GPR173: variants seen among roughly 807,000 people sequenced by gnomAD.
GPR173 encodes G protein-coupled receptor 173.
In GPR173, 2 loss-of-function variants were observed where a neutral mutation model predicts 13.9. The ratio of observed to expected loss-of-function variants is 0.14; its 90% confidence interval spans 0.06 to 0.45. The LOEUF (loss-of-function observed/expected upper bound fraction) is 0.45, where lower values mean the gene tolerates loss of function less well. Among genes scored for constraint, GPR173 ranks in the 20% least tolerant of loss-of-function variants. The pLI is 0.98. For synonymous variants in GPR173, 131 were observed against 141.0 expected (o/e 0.93, Z 0.50); for missense variants, 202 against 340.5 (o/e 0.59, Z 3.20).
intron 1 of GPR173, among the ~76,000 whole-genome samples, chrX:53,055,461 G>A (rs181149201): frequency 1.8e-5 from 2 of 110,525 alleles, no homozygotes; most frequent in Admixed American, 1.9e-4. Context: ...GATGGCGTGT[G>A]GTGAGAGCTT....
Position 53,050,690 on chromosome X carries a change from T to C in GPR173, c.-98+1206T>C, listed in dbSNP as rs782121464. 5.4e-5 allele frequency among the ~76,000 whole-genome samples: 6 copies of C among 112,090 alleles called. No homozygotes were observed. In the South Asian group the frequency reaches 2.2e-3, roughly 42 times the overall value. ...CAATATTGTTGCTGATTATTCATGA[T>C]TAATAGTGTTATCGATTACTTGGAG... On this transcript the variant is annotated intron_variant, in intron 1 of 1. Coordinates refer to ENST00000332582, the MANE Select transcript of GPR173 (RefSeq NM_018969.6).
At chrX:53,058,234 C>T in intron 1 of GPR173, among the ~76,000 whole-genome samples, 1 of 112,157 alleles carries the variant, frequency 8.9e-6, no homozygotes, top group South Asian at 3.7e-4. Flanking sequence ...GTGTGACCTG[C>T]ACTGCTGGTG....
rs1243941991 is a variant in GPR173 at position 53,080,443 on chromosome X, A to G, written c.*2700A>G. The G allele has an allele frequency of 8.4e-6, 1 of 119,367 alleles. No individual in the cohort carries two copies. The highest frequency in any genetic ancestry group is 1.9e-5 in the Non-Finnish European group (1 of 52,262). 9.8% of individuals were successfully genotyped at this position (119,367 alleles called of 1,213,427 possible). ...TTTCTTCAGTTTTGTCCCCTTCATC[A>G]CCCATTCCTGATCCCATCCTCCCCG... On this transcript the variant is annotated 3_prime_UTR_variant, in exon 2 of 2. Transcript: ENST00000332582.
At chrX:53,074,321 T>C (rs868963310) in intron 1 of GPR173, among the ~76,000 whole-genome samples, 73 of 72,629 alleles carry the variant, frequency 1.0e-3, no homozygotes, top group African/African-American at 2.4e-3. Context: ...CATATATATT[T>C]ATATATAAAT....
At chrX:53,053,745 A>G (rs1323584557) in intron 1 of GPR173, among the ~76,000 whole-genome samples, 1 of 112,664 alleles carries the variant, frequency 8.9e-6, no homozygotes, top group African/African-American at 3.2e-5. Flanking sequence ...CTGCGAGACT[A>G]TGTCTGTCTG....
intron 1 of GPR173, among the ~76,000 whole-genome samples, chrX:53,070,402 A>G (rs1186999133): frequency 3.6e-5 from 4 of 111,685 alleles, no homozygotes; most frequent in African/African-American, 1.3e-4. Flanking sequence ...TCTCATATCC[A>G]GTGCCCTCTT....
At chrX:53,059,342 G>T (rs1256402028) in intron 1 of GPR173, among the ~76,000 whole-genome samples, 3 of 108,127 alleles carry the variant, frequency 2.8e-5, no homozygotes, top group Non-Finnish European at 5.8e-5. Flanking sequence ...GCCCAGGCTG[G>T]AGTGCAGTGG....
intron 1 of GPR173, among the ~76,000 whole-genome samples, chrX:53,069,538 CTGGTCTCT>C (rs1932231250): frequency 8.9e-6 from 1 of 112,161 alleles, no homozygotes; most frequent in East Asian, 2.8e-4. Flanking sequence ...CAAGAGTTAG[CTGGTCTCT>C]GCACATGAGC....
At chrX:53,065,698 T>G (rs1473100505) in intron 1 of GPR173, 1 of 112,430 alleles carries the variant, frequency 8.9e-6, no homozygotes, top group African/African-American at 3.2e-5. Flanking sequence ...TCGACAAATA[T>G]TCAGAATTTG....
chrX:53,068,315 AAATAATACTGTTCTCTTTAG>A (rs1932213412), intron 1 of GPR173, among the ~76,000 whole-genome samples: 1 of 111,461 alleles, frequency 9.0e-6, no homozygotes, highest in South Asian at 3.8e-4. Flanking sequence ...CAGAAAAATA[AAATAATACTGTTCTCTTTAG>A]AAACACCTAA....
chrX:53,070,081 TTGAG>T (rs1285384848), intron 1 of GPR173, among the ~76,000 whole-genome samples: 1 of 111,399 alleles, frequency 9.0e-6, no homozygotes, highest in Non-Finnish European at 1.9e-5. Context: ...GTAAGTAACT[TTGAG>T]TGTTAATATC....
At chrX:53,074,910 G>A (rs1556805628) in intron 1 of GPR173, among the ~76,000 whole-genome samples, 1 of 103,456 alleles carries the variant, frequency 9.7e-6, no homozygotes, top group Non-Finnish European at 2.0e-5. Flanking sequence ...GGGCCTCTGA[G>A]TAGTCTCCCT....
intron 1 of GPR173, among the ~76,000 whole-genome samples, chrX:53,057,938 G>A (rs1041112773): frequency 3.6e-5 from 4 of 112,233 alleles, no homozygotes; most frequent in Non-Finnish European, 5.6e-5. Flanking sequence ...ATCTGCAAGT[G>A]TGAATGGGGT....
At chrX:53,075,469 C>T (rs1274903971) in intron 1 of GPR173, among the ~76,000 whole-genome samples, 2 of 104,312 alleles carry the variant, frequency 1.9e-5, no homozygotes, top group Non-Finnish European at 3.9e-5. Flanking sequence ...CCACAAGGGC[C>T]GGGATCTTTA....
At chrX:53,072,479 C>G (rs1335064413) in intron 1 of GPR173, among the ~76,000 whole-genome samples, 2 of 107,046 alleles carry the variant, frequency 1.9e-5, no homozygotes, top group African/African-American at 6.9e-5. Context: ...TCTTTTTTCT[C>G]ACTCTCATTT....
At chrX:53,052,219 T>C (rs1397654920) in intron 1 of GPR173, among the ~76,000 whole-genome samples, 1 of 111,399 alleles carries the variant, frequency 9.0e-6, no homozygotes, top group Admixed American at 9.5e-5. Flanking sequence ...CATTTGATTA[T>C]GTATGTGAGT....
intron 1 of GPR173, among the ~76,000 whole-genome samples, chrX:53,052,274 A>G (rs1556802780): frequency 1.8e-5 from 2 of 111,337 alleles, no homozygotes; most frequent in African/African-American, 6.5e-5. Flanking sequence ...ACAAAAACAC[A>G]CACACACGCA....
In GPR173 at chrX:53,077,860, C is replaced by A; in HGVS notation, c.*117C>A. 1 of 564,120 alleles carries A rather than the reference C, an allele frequency of 1.8e-6. No individual in the cohort carries two copies. Among genetic ancestry groups the A allele is most frequent in the Non-Finnish European group, 2.8e-6 (1 of 351,297 alleles). 46.5% of individuals were successfully genotyped at this position (564,120 alleles called of 1,213,427 possible). On this transcript the variant is annotated 3_prime_UTR_variant, in exon 2 of 2. Transcript: ENST00000332582. ...CTCCTTTCTGAGCTCCAGCCCCAGCCCCTCGAACCACCTGTAATCTAGGCA... is the reference window on the plus strand; with the variant it reads ...CTCCTTTCTGAGCTCCAGCCCCAGCACCTCGAACCACCTGTAATCTAGGCA...
At chrX:53,073,268 G>C (rs1932289920) in intron 1 of GPR173, among the ~76,000 whole-genome samples, 2 of 108,195 alleles carry the variant, frequency 1.8e-5, no homozygotes, top group Admixed American at 9.9e-5. Context: ...TGGCAGGCCA[G>C]GCTGGATTGA....
Sources: allele counts gnomAD v4.1 joint callset (sites outside exome capture counted in the v4.1 genomes callset), GRCh38; gene constraint gnomAD v4.1.1; transcripts MANE v1.5; gene names NCBI Gene and HGNC (gene_info 2026-07-23, HGNC 2026-07-21).